Variants in NEGR1 observed in about 807,000 individuals in gnomAD.
The protein encoded by NEGR1 is neuronal growth regulator 1, also known as IgLON family member 4.
In NEGR1, 10 loss-of-function variants were observed where a neutral mutation model predicts 40.9. The observed-to-expected ratio is 0.24, with a 90% CI of 0.15 to 0.42. The LOEUF is 0.42. NEGR1 is among the 10% of genes least tolerant of loss of function. NEGR1 has a pLI of 1.00. For missense variants in NEGR1, 352 were observed against 438.9 expected (o/e 0.80, Z 1.77); for synonymous variants, 185 against 166.8 (o/e 1.11, Z -0.84).
At chr1:71,971,911 C>T (rs540731601) in intron 1 of NEGR1, among the ~76,000 whole-genome samples, 7 of 152,300 alleles carry the variant, frequency 4.6e-5, no homozygotes, top group South Asian at 4.1e-4. Flanking sequence ...GTAGGAACAG[C>T]GTTGGCTCTA....
At chr1:71,469,017 G>T (rs1646765605) in intron 6 of NEGR1, among the ~76,000 whole-genome samples, 1 of 151,980 alleles carries the variant, frequency 6.6e-6, no homozygotes, top group Non-Finnish European at 1.5e-5. Context: ...CTGAAGAGGT[G>T]TTCAAAAACA....
At chr1:71,804,055 A>G (rs1188360613) in intron 2 of NEGR1, among the ~76,000 whole-genome samples, 2 of 152,122 alleles carry the variant, frequency 1.3e-5, no homozygotes, top group African/African-American at 4.8e-5. Flanking sequence ...ATATGAATAG[A>G]ATAATAACAA....
In NEGR1 at chr1:72,281,354, A is replaced by G. The variant is rs371147316; in HGVS notation, c.176+965T>C. 3.4e-3 allele frequency among the ~76,000 whole-genome samples: 517 copies of G among 152,270 alleles called. 4 individuals carry two copies. The highest frequency in any genetic ancestry group is 0.012 in the African/African-American group (499 of 41,558). On this transcript the variant is annotated intron_variant, in intron 1 of 6. Coordinates refer to ENST00000357731, the MANE Select transcript of NEGR1 (RefSeq NM_173808.3). ...TGCCTTTTAAAAACAGTGAGAGACA[A>G]TCTGAATGTGGAAGTGGTTCTTACA...
chr1:72,174,425 A>G (rs1438442119), intron 1 of NEGR1, among the ~76,000 whole-genome samples: 1 of 152,188 alleles, frequency 6.6e-6, no homozygotes, highest in African/African-American at 2.4e-5. Context: ...AATGACATGT[A>G]TCCACCATTA....
At chr1:71,585,555 C>A (rs542355482) in intron 6 of NEGR1, among the ~76,000 whole-genome samples, 2 of 152,024 alleles carry the variant, frequency 1.3e-5, no homozygotes, top group Non-Finnish European at 2.9e-5. Context: ...CTTTCCCTTC[C>A]AAATTTACTG....
chr1:71,827,885 A>C (rs762293909), intron 2 of NEGR1, among the ~76,000 whole-genome samples: 11 of 151,920 alleles, frequency 7.2e-5, no homozygotes, highest in Non-Finnish European at 1.3e-4. Flanking sequence ...TAAAGATGTA[A>C]AAAAGAGAAG....
intron 6 of NEGR1, among the ~76,000 whole-genome samples, chr1:71,459,490 CT>C (rs1325579257): frequency 6.6e-6 from 1 of 152,194 alleles, no homozygotes; most frequent in Non-Finnish European, 1.5e-5. Context: ...TTTAAATCCC[CT>C]GATGATCTAG....
intron 2 of NEGR1, among the ~76,000 whole-genome samples, chr1:71,867,998 A>G (rs1199605904): frequency 6.6e-6 from 1 of 152,172 alleles, no homozygotes; most frequent in African/African-American, 2.4e-5. Flanking sequence ...TTAATTTTCT[A>G]TCAGATATGA....
chr1:71,762,625 A>G (rs1655984546), intron 3 of NEGR1, among the ~76,000 whole-genome samples: 1 of 152,098 alleles, frequency 6.6e-6, no homozygotes, highest in Non-Finnish European at 1.5e-5. Context: ...AAAAGAATGA[A>G]CTTGATATAT....
At chr1:71,525,931 A>G (rs1647211099) in intron 6 of NEGR1, among the ~76,000 whole-genome samples, 1 of 151,606 alleles carries the variant, frequency 6.6e-6, no homozygotes, top group Non-Finnish European at 1.5e-5. Flanking sequence ...CTATATCTTT[A>G]GTGGCATGTT....
At chr1:72,108,242 C>T (rs540091562) in intron 1 of NEGR1, among the ~76,000 whole-genome samples, 2 of 151,720 alleles carry the variant, frequency 1.3e-5, no homozygotes, top group South Asian at 4.1e-4. Flanking sequence ...CTGATTTTTA[C>T]CACCAAATAT....
intron 2 of NEGR1, among the ~76,000 whole-genome samples, chr1:71,848,521 T>A (rs1360409417): frequency 6.6e-6 from 1 of 152,198 alleles, no homozygotes; most frequent in Non-Finnish European, 1.5e-5. Context: ...ATACCACCTG[T>A]GCTCCATAAA....
At chr1:72,068,154 A>G (rs994603119) in intron 1 of NEGR1, among the ~76,000 whole-genome samples, 10 of 152,078 alleles carry the variant, frequency 6.6e-5, no homozygotes, top group Non-Finnish European at 1.2e-4. Flanking sequence ...GTTATTATGG[A>G]CCCCCAGGTT....
At chr1:71,642,407 GA>G (rs1442708351) in intron 4 of NEGR1, among the ~76,000 whole-genome samples, 1 of 151,644 alleles carries the variant, frequency 6.6e-6, no homozygotes, top group African/African-American at 2.4e-5. Context: ...GACAGAAAGA[GA>G]AGAAGAAAAG....
chr1:71,749,988 C>CTTTTTTTTTTTTTTTTTTT (rs768011020), intron 3 of NEGR1, among the ~76,000 whole-genome samples: 53 of 136,624 alleles, frequency 3.9e-4, no homozygotes, highest in African/African-American at 8.0e-4. Flanking sequence ...TTGCTCCTTT[C>CTTTTTTTTTTTTTTTTTTT]TTTTTTTTTT....
intron 1 of NEGR1, among the ~76,000 whole-genome samples, chr1:72,220,345 T>C (rs1476058447): frequency 1.3e-5 from 2 of 152,056 alleles, no homozygotes; most frequent in African/African-American, 4.8e-5. Context: ...AACTAAGTTT[T>C]ACTGAAGAAT....
chr1:72,252,507 C>A (rs1328839154), intron 1 of NEGR1, among the ~76,000 whole-genome samples: 1 of 152,170 alleles, frequency 6.6e-6, no homozygotes, highest in Admixed American at 6.5e-5. Flanking sequence ...GTTTGATAAA[C>A]TCACATCTCA....
intron 1 of NEGR1, among the ~76,000 whole-genome samples, chr1:72,088,437 G>A (rs1023574895): frequency 6.6e-5 from 10 of 152,094 alleles, no homozygotes; most frequent in Non-Finnish European, 1.5e-4. Flanking sequence ...GAGGGTAGGT[G>A]CTCATATGGT....
In NEGR1 at chr1:71,880,957, T is replaced by C. The variant is rs1262085879; in HGVS notation, c.409+54122A>G. 7.2e-5 allele frequency among the ~76,000 whole-genome samples: 11 copies of C among 152,034 alleles called. No homozygotes were observed. In the East Asian group the frequency reaches 2.1e-3, roughly 29 times the overall value. ...CGAGAATGATAGGCAACATATTCAA[T>C]AAATGTAATAATAATGGCAAATACT... On this transcript the variant is annotated intron_variant, in intron 2 of 6. Coordinates refer to ENST00000357731, the MANE Select transcript of NEGR1 (RefSeq NM_173808.3).
Sources: allele counts gnomAD v4.1 joint callset (sites outside exome capture counted in the v4.1 genomes callset), GRCh38; gene constraint gnomAD v4.1.1; transcripts MANE v1.5; gene names NCBI Gene and HGNC (gene_info 2026-07-23, HGNC 2026-07-21).